The following ARHGEF12 variants were observed in gnomAD, a reference collection of about 807,000 sequenced individuals.
ARHGEF12 encodes the protein Rho guanine nucleotide exchange factor 12.
A neutral mutation model predicts 211.2 loss-of-function variants in ARHGEF12; 66 were observed. That is an observed-to-expected ratio of 0.31 (90% confidence interval 0.26 to 0.38). The LOEUF is 0.38. ARHGEF12 is among the 10% of genes least tolerant of loss of function. The pLI is 1.00. For synonymous variants in ARHGEF12, 592 were observed against 638.4 expected, an observed-to-expected ratio of 0.93 and a Z score of 1.09; for missense variants, 1,429 against 1,869.5, an observed-to-expected ratio of 0.76 and a Z score of 4.34.
At chr11:120,442,472 A>G (rs564253059) in intron 15 of ARHGEF12, among the ~76,000 whole-genome samples, 1 of 151,574 alleles carries the variant, frequency 6.6e-6, no homozygotes, top group Non-Finnish European at 1.5e-5. Context: ...ATACACACAC[A>G]CACACACACA....
In ARHGEF12 at chr11:120,428,106, A is replaced by C; in HGVS notation, c.444A>C (p.Pro148=). 1 of 1,608,222 alleles carries C rather than the reference A, an allele frequency of 6.2e-7. No homozygotes were observed. Among genetic ancestry groups the C allele is most frequent in the Non-Finnish European group, 8.5e-7 (1 of 1,177,622 alleles). ...TAGCTCTCACTGTTCAGGGACGCCCACCTGGGTCGCCCCAGATTCCACTTG... is the reference window on the plus strand; with the variant it reads ...TAGCTCTCACTGTTCAGGGACGCCCCCCTGGGTCGCCCCAGATTCCACTTG... The part of the protein sequence containing the change: ...SYVALTVQGR[P]PGSPQIPLAD... Residue 148 remains proline, a synonymous_variant, in exon 8 of 41, where the codon CCA becomes CCC. Coordinates refer to ENST00000397843, the MANE Select transcript of ARHGEF12 (RefSeq NM_015313.3).
At chr11:120,462,062 T>A (rs766823410) in intron 27 of ARHGEF12, among the ~76,000 whole-genome samples, 52 of 152,340 alleles carry the variant, frequency 3.4e-4, no homozygotes, top group Admixed American at 1.4e-3. Context: ...ATTTTTTCTT[T>A]GTGTTCACAA....
At chr11:120,386,754 G>A (rs557945959) in intron 1 of ARHGEF12, among the ~76,000 whole-genome samples, 1 of 152,142 alleles carries the variant, frequency 6.6e-6, no homozygotes, top group East Asian at 1.9e-4. Context: ...ACCTAGTCAC[G>A]AAATTATTGT....
intron 33 of ARHGEF12, 58 bp downstream of exon 33, chr11:120,475,565 T>G: frequency 6.4e-7 from 1 of 1,554,780 alleles, no homozygotes. Context: ...TTGCATAAGA[T>G]ACTCGGTGCT....
rs781166959 is a variant in ARHGEF12 at position 120,477,447 on chromosome 11, A to G, written c.3453A>G (p.Glu1151=). ...PIPLPQSTPG[E]GDNDEEDPSK... is the part of the protein sequence containing the mutation. ...TTTTTTTTTTTTTTTTTCTCTACAG[A>G]GGAGATAATGATGAAGAAGATCCTT... The change falls in exon 36 of 41, where the codon GAA becomes GAG. Residue 1151 remains glutamate (E), a splice_region_variant and synonymous_variant. Transcript: ENST00000397843. 5.2e-6 allele frequency: 7 copies of G among 1,338,382 alleles called. No individual in the cohort carries two copies. The highest frequency in any genetic ancestry group is 7.5e-6 in the Non-Finnish European group (7 of 939,034). The allele number at this position is 1,338,382 out of a possible 1,614,324, so 82.9% of individuals were successfully genotyped here. A position where few individuals can be genotyped will look rare whatever the true frequency, so the allele number is the denominator to read the frequency against.
chr11:120,368,194 C>G (rs1180743717), intron 1 of ARHGEF12, among the ~76,000 whole-genome samples: 1 of 152,286 alleles, frequency 6.6e-6, no homozygotes, highest in African/African-American at 2.4e-5. Flanking sequence ...CCTCCCGCCT[C>G]ATTGTCCATA....
In ARHGEF12 at chr11:120,428,160, T is replaced by G; in HGVS notation, c.498T>G (p.Ile166Met). 6.2e-7 allele frequency: 1 copy of G among 1,611,904 alleles called. No individual in the cohort carries two copies. Among genetic ancestry groups the G allele is most frequent in the South Asian group, 1.1e-5 (1 of 90,196 alleles). ...ACTCTGAAGTAGAGCCGTCAGTCATTGGACATATGTCTCCCATCATGACAT... is the reference window on the plus strand; with the variant it reads ...ACTCTGAAGTAGAGCCGTCAGTCATGGGACATATGTCTCCCATCATGACAT... ...LADSEVEPSV[I>M]GHMSPIMTSP... Residue 166 changes from isoleucine to methionine, a missense_variant, in exon 8 of 41, where the codon ATT (isoleucine) becomes ATG (methionine). Ile to Met is a conservative substitution (Grantham distance 10, BLOSUM62 1). Coordinates refer to ENST00000397843, the MANE Select transcript of ARHGEF12 (RefSeq NM_015313.3).
intron 1 of ARHGEF12, chr11:120,365,589 A>T (rs539262858): frequency 1.3e-5 from 2 of 152,350 alleles, no homozygotes; most frequent in Admixed American, 6.5e-5. Context: ...GATTCCTTTT[A>T]TACTTCAATT....
intron 26 of ARHGEF12, among the ~76,000 whole-genome samples, chr11:120,459,696 G>A (rs770243276): frequency 4.6e-5 from 7 of 151,864 alleles, no homozygotes; most frequent in African/African-American, 9.7e-5. Context: ...CACATGGTTC[G>A]GTAATTTTTA....
intron 20 of ARHGEF12, chr11:120,448,816 T>C (rs1274373308): frequency 3.1e-6 from 1 of 321,374 alleles, no homozygotes; most frequent in East Asian, 5.7e-5. Context: ...AAATATTTGT[T>C]GAATGGATGA....
At chr11:120,418,817 T>C (rs896187192) in intron 4 of ARHGEF12, among the ~76,000 whole-genome samples, 1 of 152,208 alleles carries the variant, frequency 6.6e-6, no homozygotes, top group Admixed American at 6.5e-5. Flanking sequence ...GCCATTGGTC[T>C]ATCTTTGTAA....
At position 120,451,687 on chromosome 11, in the gene ARHGEF12, C is replaced by T; in HGVS notation, c.2019C>T (p.Ala673=). 1 of 1,614,062 alleles carries T rather than the reference C, an allele frequency of 6.2e-7. No individual in the cohort carries two copies. The highest frequency in any genetic ancestry group is 8.5e-7 in the Non-Finnish European group (1 of 1,179,986). ...ANSMSSVASG[A]SFSQEGGKEN... Reference sequence around the variant, plus strand: ...CCATGTCTTCTGTAGCTTCAGGGGCCTCTTTTTCCCAGGAAGGAGGGAAAG... The same window carrying T: ...CCATGTCTTCTGTAGCTTCAGGGGCTTCTTTTTCCCAGGAAGGAGGGAAAG... The change falls in exon 22 of 41, where the codon GCC becomes GCT. Residue 673 remains alanine, a synonymous_variant. Transcript: ENST00000397843.
chr11:120,474,732 C>T, intron 32 of ARHGEF12, 97 bp downstream of exon 32: 1 of 921,268 alleles, frequency 1.1e-6, no homozygotes, highest in Non-Finnish European at 1.7e-6. Context: ...GAACCATTCT[C>T]TCAGCAGTTT....
chr11:120,457,161 A>C lies in ARHGEF12; in HGVS notation c.2100A>C (p.Leu700Phe), dbSNP rs891460226. 4 of 1,613,950 alleles carry C rather than the reference A, an allele frequency of 2.5e-6. No homozygotes were observed. The highest frequency in any genetic ancestry group is 3.4e-6 in the Non-Finnish European group (4 of 1,179,988). Residue 700 changes from leucine to phenylalanine, a missense_variant, in exon 23 of 41, where the codon TTA becomes TTC. Coordinates refer to ENST00000397843, the MANE Select transcript of ARHGEF12 (RefSeq NM_015313.3). ...VGETSAPGDT[L>F]DGTPRTLNTV... ...AAACATCAGCACCTGGAGACACCTT[A>C]GATGGCACACCTCGTACTCTCAATA...
chr11:120,455,588 A>G (rs1352330615), intron 22 of ARHGEF12, among the ~76,000 whole-genome samples: 1 of 152,212 alleles, frequency 6.6e-6, no homozygotes, highest in Admixed American at 6.5e-5. Context: ...GAGGATACAC[A>G]TTCTAGCAAC....
chr11:120,379,091 C>T (rs1248693333), intron 1 of ARHGEF12, among the ~76,000 whole-genome samples: 1 of 152,120 alleles, frequency 6.6e-6, no homozygotes, highest in Non-Finnish European at 1.5e-5. Flanking sequence ...CATAATCTTT[C>T]TCTCCATTAA....
At position 120,489,112 on chromosome 11, in the gene ARHGEF12, C is replaced by G. The variant is rs1305378029; in HGVS notation, c.*4035C>G. On this transcript the variant is annotated 3_prime_UTR_variant, in exon 41 of 41. Transcript: ENST00000397843. ...TAGAAAAGTTGAGGAGTCGAGGAGCCTGTAATTAATTTTCCTGTCAGTGAC... is the reference window on the plus strand; with the variant it reads ...TAGAAAAGTTGAGGAGTCGAGGAGCGTGTAATTAATTTTCCTGTCAGTGAC... 2 of 225,516 alleles carry G rather than the reference C, an allele frequency of 8.9e-6. No individual in the cohort carries two copies. Among genetic ancestry groups the G allele is most frequent in the Non-Finnish European group, 1.8e-5 (2 of 113,122 alleles). 14.0% of individuals were successfully genotyped at this position (225,516 alleles called of 1,614,324 possible).
chr11:120,402,510 A>G (rs1944571960), intron 1 of ARHGEF12, among the ~76,000 whole-genome samples: 1 of 152,218 alleles, frequency 6.6e-6, no homozygotes, highest in African/African-American at 2.4e-5. Flanking sequence ...TTAATAGGTA[A>G]CATTCTTTGA....
chr11:120,405,958 G>A (rs549182785), intron 1 of ARHGEF12, 160 bp from the exon 2 acceptor site: 5 of 559,670 alleles, frequency 8.9e-6, no homozygotes, highest in African/African-American at 2.0e-5. Flanking sequence ...ACTTAAACAT[G>A]GTGTTCAACT....
Sources: allele counts gnomAD v4.1 joint callset (sites outside exome capture counted in the v4.1 genomes callset), GRCh38; gene constraint gnomAD v4.1.1; transcripts MANE v1.5; gene names NCBI Gene and HGNC (gene_info 2026-07-23, HGNC 2026-07-21).